Variants in KIF3C observed in about 807,000 individuals in gnomAD.
The protein encoded by KIF3C is kinesin family member 3C, also known as kinesin-like protein KIF3C.
A neutral mutation model predicts 67.7 loss-of-function variants in KIF3C; 12 were observed. That is an observed-to-expected ratio of 0.18 (90% confidence interval 0.11 to 0.29). The LOEUF (loss-of-function observed/expected upper bound fraction) is 0.29, where lower values mean the gene tolerates loss of function less well. KIF3C is among the 10% of genes least tolerant of loss of function. KIF3C has a pLI of 1.00. For missense variants in KIF3C, 789 were observed against 1,059.6 expected (o/e 0.74, Z 3.55); for synonymous variants, 393 against 426.2 (o/e 0.92, Z 0.96).
intron 1 of KIF3C, among the ~76,000 whole-genome samples, chr2:25,957,185 C>A (rs879495465): frequency 6.6e-6 from 1 of 152,140 alleles, no homozygotes; most frequent in African/African-American, 2.4e-5. Context: ...TTCCATCCCC[C>A]CCTAAGAGGG....
intron 1 of KIF3C, among the ~76,000 whole-genome samples, chr2:25,963,013 T>TATATATAATATATA (rs70950144): frequency 4.5e-5 from 2 of 44,370 alleles, no homozygotes; most frequent in Non-Finnish European, 7.2e-5. Context: ...TAATATATAA[T>TATATATAATATATA]ATATATAATA....
chr2:25,931,030 T>C (rs2090454796), intron 5 of KIF3C, among the ~76,000 whole-genome samples: 2 of 152,156 alleles, frequency 1.3e-5, no homozygotes, highest in Admixed American at 1.3e-4. Context: ...ATACATCTCA[T>C]GTACCCCACA....
chr2:25,929,702 A>G (rs201063160), intron 6 of KIF3C, among the ~76,000 whole-genome samples: 3 of 147,748 alleles, frequency 2.0e-5, no homozygotes, highest in Admixed American at 6.8e-5. Context: ...TGCAACCTCC[A>G]CCTCCCAGGT....
At chr2:25,956,836 C>T (rs1338213191) in intron 1 of KIF3C, among the ~76,000 whole-genome samples, 1 of 152,180 alleles carries the variant, frequency 6.6e-6, no homozygotes, top group African/African-American at 2.4e-5. Context: ...CCAGGTAGCC[C>T]AGCCTTTAGC....
chr2:25,959,502 C>T (rs140794217), intron 1 of KIF3C, among the ~76,000 whole-genome samples: 440 of 152,094 alleles, frequency 2.9e-3, no homozygotes, highest in African/African-American at 0.01. Context: ...TGCAGTGGCG[C>T]GATCTTGGCT....
intron 5 of KIF3C, among the ~76,000 whole-genome samples, chr2:25,947,650 T>C (rs923494661): frequency 1.3e-5 from 2 of 152,336 alleles, no homozygotes; most frequent in African/African-American, 4.8e-5. Flanking sequence ...GGTAGCTATT[T>C]TAATTTTTAA....
In KIF3C at chr2:25,954,450, C is replaced by T. The variant is rs560832220; in HGVS notation, c.1771-65G>A. ...GGCAACGAGGCCCCAGTCACCCAGC[C>T]TGGGCCGCAGGGCTGCAGGCTCAGA... On this transcript the variant is annotated intron_variant, in intron 3 of 7. Transcript: ENST00000264712. The T allele has an allele frequency of 6.1e-5, 76 of 1,253,772 alleles. No homozygotes were observed. In the Middle Eastern group the frequency reaches 1.0e-3, roughly 17 times the overall value. The allele number at this position is 1,253,772 out of a possible 1,614,324, so 77.7% of individuals were successfully genotyped here. A position where few individuals can be genotyped will look rare whatever the true frequency, so the allele number is the denominator to read the frequency against.
chr2:25,962,997 A>AAT lies in KIF3C; in HGVS notation c.1546-6555_1546-6554dup, dbSNP rs1265355522. 1.5e-3 allele frequency among the ~76,000 whole-genome samples: 54 copies of AAT among 35,842 alleles called. 2 individuals carry two copies. Among genetic ancestry groups the AAT allele is most frequent in the Admixed American group, 8.0e-3 (14 of 1,740 alleles). 23.5% of individuals were successfully genotyped at this position (35,842 alleles called of 152,430 possible). ...ATAATATATAATATATAATATATATAATATATAATATATAATATATATAAT... is the reference window on the plus strand; with the variant it reads ...ATAATATATAATATATAATATATATAATATATATAATATATAATATATATAAT... On this transcript the variant is annotated intron_variant, in intron 1 of 7. Coordinates refer to ENST00000264712, the MANE Select transcript of KIF3C (RefSeq NM_002254.8).
At chr2:25,951,587 T>C (rs1371388938) in intron 5 of KIF3C, 5 of 520,364 alleles carry the variant, frequency 9.6e-6, no homozygotes, top group Non-Finnish European at 1.7e-5. Context: ...TGAGACACTT[T>C]TTTTCCCAGA....
At chr2:25,936,078 C>T (rs1434654325) in intron 5 of KIF3C, among the ~76,000 whole-genome samples, 2 of 150,856 alleles carry the variant, frequency 1.3e-5, no homozygotes. Flanking sequence ...CAGAGTGAGA[C>T]TCAGTCTCAA....
rs1270307809 is a variant in KIF3C at position 25,951,826 on chromosome 2, C to G, written c.1969G>C (p.Glu657Gln). ...MNRLFLDCEE[E>Q]QWKFQPLVPA... ...ACCAGTGGCTGGAACTTCCACTGCT[C>G]CTCCTCACAGTCCAGGAAAAGCCGG... is the stretch of plus-strand genomic sequence containing the variant. The change falls in exon 5 of 8, where the codon GAG (glutamate) becomes CAG (glutamine). Residue 657 changes from glutamate (E) to glutamine (Q), a missense_variant. Physicochemically the swap from Glu to Gln is conservative, Grantham distance 29. Around this residue, in one of 2 missense-constraint regions of KIF3C, gnomAD observed 648 missense variants for 807.8 expected, o/e 0.80. Transcript: ENST00000264712. The G allele has an allele frequency of 6.2e-7, 1 of 1,613,850 alleles. No homozygotes were observed. Among genetic ancestry groups the G allele is most frequent in the Non-Finnish European group, 8.5e-7 (1 of 1,179,902 alleles).
chr2:25,963,146 A>ATGTG (rs1169305679), intron 1 of KIF3C, among the ~76,000 whole-genome samples: 1 of 92,940 alleles, frequency 1.1e-5, no homozygotes, highest in Non-Finnish European at 2.0e-5. Context: ...ATATGCATAT[A>ATGTG]TGTGTGTGTG....
intron 5 of KIF3C, among the ~76,000 whole-genome samples, chr2:25,933,148 G>A (rs747724171): frequency 6.6e-6 from 1 of 151,842 alleles, no homozygotes; most frequent in South Asian, 2.1e-4. Flanking sequence ...CTACTTGGGA[G>A]GCTGAGACAG....
chr2:25,934,484 C>A (rs2090488832), intron 5 of KIF3C, among the ~76,000 whole-genome samples: 1 of 151,858 alleles, frequency 6.6e-6, no homozygotes, highest in Non-Finnish European at 1.5e-5. Context: ...GAGGCTGAGG[C>A]AGGAGAATCG....
In KIF3C at chr2:25,927,746, T is replaced by C. The variant is rs1318714595; in HGVS notation, c.*1232A>G. The C allele has an allele frequency of 2.0e-5, 3 of 152,332 alleles. No individual in the cohort carries two copies. Among genetic ancestry groups the C allele is most frequent in the Non-Finnish European group, 4.4e-5 (3 of 68,034 alleles). The allele number at this position is 152,332 out of a possible 1,614,324, so 9.4% of individuals were successfully genotyped here. A position where few individuals can be genotyped will look rare whatever the true frequency, so the allele number is the denominator to read the frequency against. On this transcript the variant is annotated 3_prime_UTR_variant, in exon 8 of 8. Transcript: ENST00000264712. ...ACCTCTTCACCCGTCCTCCAAAATA[T>C]ACACTTAAAAAGCCAGTCAATGAAC...
chr2:25,934,681 TA>T (rs1006415535), intron 5 of KIF3C, among the ~76,000 whole-genome samples: 7 of 151,576 alleles, frequency 4.6e-5, no homozygotes, highest in South Asian at 2.1e-4. Context: ...GCAGTAGAGC[TA>T]AAAAAAAATC....
In KIF3C at chr2:25,963,090, A is replaced by G. The variant is rs114430901; in HGVS notation, c.1546-6646T>C. ...TACACACATACACACACATATATGCATATATATACATATACATGTGTACAT... is the reference window on the plus strand; with the variant it reads ...TACACACATACACACACATATATGCGTATATATACATATACATGTGTACAT... On this transcript the variant is annotated intron_variant, in intron 1 of 7. Transcript: ENST00000264712. Among the ~76,000 whole-genome samples the G allele has an allele frequency of 2.4e-3, 187 of 78,238 alleles. 6 individuals carry two copies. The highest frequency in any genetic ancestry group is 5.7e-3 in the Middle Eastern group (1 of 176). The allele number at this position is 78,238 out of a possible 152,430, so 51.3% of individuals were successfully genotyped here. A position where few individuals can be genotyped will look rare whatever the true frequency, so the allele number is the denominator to read the frequency against.
chr2:25,975,992 T>C (rs1664404607), intron 1 of KIF3C, among the ~76,000 whole-genome samples: 1 of 152,070 alleles, frequency 6.6e-6, no homozygotes, highest in Non-Finnish European at 1.5e-5. Flanking sequence ...GCACCTTTCT[T>C]GGAGGGTGCT....
chr2:25,934,058 G>A (rs1280547773), intron 5 of KIF3C: 1 of 460,164 alleles, frequency 2.2e-6, no homozygotes, highest in Non-Finnish European at 4.5e-6. Context: ...AAGTACTGAT[G>A]AGTGTTCCAA....
Sources: allele counts gnomAD v4.1 joint callset (sites outside exome capture counted in the v4.1 genomes callset), GRCh38; gene constraint gnomAD v4.1.1; regional missense constraint gnomAD v4.1.1; transcripts MANE v1.5; gene names NCBI Gene and HGNC (gene_info 2026-07-23, HGNC 2026-07-21).